The following MAML2 variants were observed in gnomAD, a reference collection of about 807,000 sequenced individuals.
MAML2 encodes mastermind like transcriptional coactivator 2.
A neutral mutation model predicts 96.1 loss-of-function variants in MAML2; 22 were observed. The ratio of observed to expected loss-of-function variants is 0.23; its 90% CI spans 0.16 to 0.33. The LOEUF (loss-of-function observed/expected upper bound fraction) is 0.33, where lower values mean the gene tolerates loss of function less well. Ranked by LOEUF, MAML2 falls within the 10% of genes least tolerant of loss-of-function variation. MAML2 has a pLI of 1.00. For missense variants in MAML2, 1,367 were observed against 1,392.4 expected, an observed-to-expected ratio of 0.98 and a Z score of 0.29; for synonymous variants, 561 against 521.3, an observed-to-expected ratio of 1.08 and a Z score of -1.04.
At chr11:96,314,401 T>C (rs956671851) in intron 1 of MAML2, among the ~76,000 whole-genome samples, 5 of 152,248 alleles carry the variant, frequency 3.3e-5, no homozygotes, top group African/African-American at 9.6e-5. Flanking sequence ...GTCCTCTTGA[T>C]ATCCCCTCTT....
At chr11:96,038,098 T>C (rs1159891109) in intron 2 of MAML2, among the ~76,000 whole-genome samples, 1 of 152,168 alleles carries the variant, frequency 6.6e-6, no homozygotes, top group Non-Finnish European at 1.5e-5. Context: ...AATAAATATA[T>C]ACTTAATATA....
intron 2 of MAML2, among the ~76,000 whole-genome samples, chr11:96,054,448 CTG>C (rs1490871569): frequency 6.6e-6 from 1 of 152,112 alleles, no homozygotes; most frequent in Non-Finnish European, 1.5e-5. Context: ...CAGAACATGA[CTG>C]TAATAAACAA....
At chr11:96,144,546 T>C (rs929538858) in intron 1 of MAML2, among the ~76,000 whole-genome samples, 1 of 152,188 alleles carries the variant, frequency 6.6e-6, no homozygotes, top group Admixed American at 6.5e-5. Flanking sequence ...TTGTGCTACC[T>C]GCCCCCTTCC....
At chr11:96,139,503 C>T (rs1417634588) in intron 1 of MAML2, among the ~76,000 whole-genome samples, 2 of 149,622 alleles carry the variant, frequency 1.3e-5, no homozygotes, top group African/African-American at 4.9e-5. Context: ...CAGTGGTATC[C>T]AACAATTATC....
intron 1 of MAML2, among the ~76,000 whole-genome samples, chr11:96,118,690 G>A (rs80049001): frequency 0.013 from 1,957 of 152,156 alleles, 44 homozygotes; most frequent in African/African-American, 0.045. Context: ...ATGAAGGTAG[G>A]AACAATCTTC....
chr11:96,190,612 A>C (rs1245674441), intron 1 of MAML2, among the ~76,000 whole-genome samples: 6 of 152,254 alleles, frequency 3.9e-5, no homozygotes, highest in Admixed American at 6.5e-5. Flanking sequence ...AACTGGGGCC[A>C]ATAAAAATAT....
intron 1 of MAML2, among the ~76,000 whole-genome samples, chr11:96,302,175 A>G (rs550849316): frequency 6.6e-6 from 1 of 152,238 alleles, no homozygotes; most frequent in East Asian, 1.9e-4. Flanking sequence ...TTTTCATGCT[A>G]TGCCATCACA....
At chr11:96,297,600 A>C (rs977270673) in intron 1 of MAML2, among the ~76,000 whole-genome samples, 1 of 152,170 alleles carries the variant, frequency 6.6e-6, no homozygotes, top group African/African-American at 2.4e-5. Context: ...AAACAAAAAA[A>C]CAGCAAACGT....
chr11:96,047,938 AAAAG>A (rs1858932520), intron 2 of MAML2, among the ~76,000 whole-genome samples: 1 of 151,172 alleles, frequency 6.6e-6, no homozygotes, highest in Non-Finnish European at 1.5e-5. Flanking sequence ...AAAAAAAGAA[AAAAG>A]AGAGAGAGAA....
At chr11:96,074,923 T>A (rs575150237) in intron 2 of MAML2, among the ~76,000 whole-genome samples, 46 of 152,182 alleles carry the variant, frequency 3.0e-4, no homozygotes, top group South Asian at 1.2e-3. Context: ...GGAGTGGTGT[T>A]GCATATTTTG....
Position 95,979,236 on chromosome 11 carries a change from A to C in MAML2, c.3183T>G (p.Asn1061Lys), listed in dbSNP as rs1221612733. Residue 1061 changes from asparagine (N) to lysine (K), a missense_variant, in exon 5 of 5, where the codon AAT becomes AAG. Coordinates refer to ENST00000524717, the MANE Select transcript of MAML2 (RefSeq NM_032427.4). ...PNQLSTQILPNLNQSGTGLNQ... is the reference protein window; with the variant it reads ...PNQLSTQILPKLNQSGTGLNQ... ...TCAACCCTGTTCCTGACTGATTCAA[A>C]TTAGGCAAAATCTGTGTGCTTAGCT... 6.2e-7 allele frequency: 1 copy of C among 1,613,862 alleles called. No homozygotes were observed. Among genetic ancestry groups the C allele is most frequent in the Non-Finnish European group, 8.5e-7 (1 of 1,179,896 alleles).
At chr11:96,175,449 A>G (rs765571328) in intron 1 of MAML2, among the ~76,000 whole-genome samples, 4 of 152,214 alleles carry the variant, frequency 2.6e-5, no homozygotes, top group Admixed American at 6.5e-5. Context: ...ACCTTGTCAT[A>G]CAGTCTAAAA....
chr11:96,296,721 T>C (rs1244467223), intron 1 of MAML2, among the ~76,000 whole-genome samples: 5 of 152,280 alleles, frequency 3.3e-5, no homozygotes, highest in Admixed American at 2.0e-4. Context: ...CCAAGTAATG[T>C]TTAAAGAACA....
chr11:96,042,947 T>G (rs1021754126), intron 2 of MAML2, among the ~76,000 whole-genome samples: 2 of 152,030 alleles, frequency 1.3e-5, no homozygotes, highest in Admixed American at 1.3e-4. Context: ...GGTTTCACCA[T>G]GTTGGCCAGG....
In MAML2 at chr11:96,342,541, G is replaced by T; in HGVS notation, c.-646C>A. 2.5e-6 allele frequency: 1 copy of T among 397,608 alleles called. No homozygotes were observed. Among genetic ancestry groups the T allele is most frequent in the Admixed American group, 4.4e-5 (1 of 22,710 alleles). 24.6% of individuals were successfully genotyped at this position (397,608 alleles called of 1,614,324 possible). ...CAAAAATCAAGGGAGACTGTCTTTT[G>T]GCTTTTAATTTTTCCTCCCTTTCCT... On this transcript the variant is annotated 5_prime_UTR_variant, in exon 1 of 5. Coordinates refer to ENST00000524717, the MANE Select transcript of MAML2 (RefSeq NM_032427.4).
chr11:96,145,653 A>G (rs1209737172), intron 1 of MAML2, among the ~76,000 whole-genome samples: 2 of 152,188 alleles, frequency 1.3e-5, no homozygotes, highest in Non-Finnish European at 2.9e-5. Context: ...ATCCTCTAAC[A>G]GTTTCCTAAG....
In MAML2 at chr11:96,023,882, A is replaced by C. The variant is rs118012150; in HGVS notation, c.2140-32159T>G. Among the ~76,000 whole-genome samples the C allele has an allele frequency of 5.0e-4, 76 of 152,350 alleles. 1 individual carries two copies. In the East Asian group the frequency reaches 0.012, roughly 24 times the overall value. ...GGATGAGCTGCTTCTATCAAGAGGT[A>C]GTGAACAAGAGGGCAGTTTTGCTGA... On this transcript the variant is annotated intron_variant, in intron 2 of 4. Transcript: ENST00000524717.
intron 1 of MAML2, among the ~76,000 whole-genome samples, chr11:96,184,171 G>A (rs548165372): frequency 1.3e-5 from 2 of 152,312 alleles, no homozygotes; most frequent in Non-Finnish European, 2.9e-5. Context: ...AGCTGGGCAC[G>A]GCGGCTCACG....
chr11:96,039,743 G>A (rs1335249083), intron 2 of MAML2, among the ~76,000 whole-genome samples: 3 of 152,048 alleles, frequency 2.0e-5, no homozygotes, highest in South Asian at 2.1e-4. Context: ...TCAGGAGATC[G>A]AGACCATCCT....
Sources: gnomAD v4.1 joint callset for allele counts (sites outside exome capture counted in the v4.1 genomes callset) on GRCh38, gnomAD v4.1.1 for gene constraint, MANE v1.5 for transcripts, NCBI Gene and HGNC (gene_info 2026-07-23, HGNC 2026-07-21) for gene names.